The following ME2 variants were observed in gnomAD, a reference collection of about 807,000 sequenced individuals.
The protein encoded by ME2 is NAD-dependent malic enzyme, mitochondrial.
Under a neutral mutation model 73.7 loss-of-function variants are expected in ME2, and 60 were observed. The observed-to-expected ratio is 0.81, with a 90% CI of 0.66 to 1.01. The LOEUF (loss-of-function observed/expected upper bound fraction) is 1.01. Among genes scored for constraint, ME2 ranks in the 50% least tolerant of loss-of-function variants. The pLI is 0.00. For synonymous variants in ME2, 199 were observed against 236.9 expected (o/e 0.84, Z 1.47); for missense variants, 594 against 705.5 (o/e 0.84, Z 1.79).
At chr18:50,940,470 A>G (rs1211101743) in intron 15 of ME2, 84 bp downstream of exon 15, 1 of 933,368 alleles carries the variant, frequency 1.1e-6, no homozygotes, top group African/African-American at 1.7e-5. Flanking sequence ...GATAAATCTG[A>G]AACATTTAGA....
At chr18:50,918,640 ACT>A (rs1467584147) in intron 7 of ME2, among the ~76,000 whole-genome samples, 3 of 143,850 alleles carry the variant, frequency 2.1e-5, no homozygotes, top group Admixed American at 6.9e-5. Context: ...TGTCCTTGAA[ACT>A]CTCTCTTCTC....
chr18:50,945,384 T>A (rs941549645), intron 15 of ME2: 5 of 152,218 alleles, frequency 3.3e-5, no homozygotes, highest in Non-Finnish European at 5.9e-5. Flanking sequence ...CCTCCCAAAG[T>A]GCTGGGATCA....
chr18:50,913,385 G>A (rs1917205409), intron 4 of ME2: 1 of 155,910 alleles, frequency 6.4e-6, no homozygotes, highest in Non-Finnish European at 1.4e-5. Context: ...CTGGAGTGGA[G>A]TGCAGCAGTA....
intron 1 of ME2, among the ~76,000 whole-genome samples, chr18:50,885,877 T>A (rs992668226): frequency 6.6e-6 from 1 of 152,134 alleles, no homozygotes; most frequent in Non-Finnish European, 1.5e-5. Flanking sequence ...TGTATAAAAG[T>A]CAAATTTGAG....
At chr18:50,916,545 G>C (rs968583210) in intron 5 of ME2, 1 of 208,720 alleles carries the variant, frequency 4.8e-6, no homozygotes, top group Admixed American at 5.9e-5. Context: ...TATTATTCTA[G>C]GTAAAGAAAA....
chr18:50,944,259 A>G (rs1918032047), intron 15 of ME2, among the ~76,000 whole-genome samples: 1 of 152,140 alleles, frequency 6.6e-6, no homozygotes. Flanking sequence ...TCCAAATGAG[A>G]GGTAGTACAT....
chr18:50,940,875 G>T (rs1298468613), intron 15 of ME2, among the ~76,000 whole-genome samples: 1 of 152,100 alleles, frequency 6.6e-6, no homozygotes, highest in African/African-American at 2.4e-5. Flanking sequence ...CATTAATGCT[G>T]CATGGCATTC....
intron 1 of ME2, among the ~76,000 whole-genome samples, chr18:50,893,269 A>C (rs879652286): frequency 6.6e-6 from 1 of 152,182 alleles, no homozygotes; most frequent in African/African-American, 2.4e-5. Flanking sequence ...AACTTAAAGC[A>C]TCAAGATGGT....
At chr18:50,943,153 CT>C (rs1942464034) in intron 15 of ME2, among the ~76,000 whole-genome samples, 1 of 151,684 alleles carries the variant, frequency 6.6e-6, no homozygotes, top group African/African-American at 2.4e-5. Context: ...GTATTTTCTA[CT>C]TTTTAAAAGA....
chr18:50,883,076 A>G (rs1807391726), intron 1 of ME2, among the ~76,000 whole-genome samples: 2 of 152,248 alleles, frequency 1.3e-5, no homozygotes, highest in African/African-American at 4.8e-5. Context: ...AATAAATTTA[A>G]TATTATGAAA....
Position 50,900,209 on chromosome 18 carries a change from T to G in ME2, c.108+4281T>G, listed in dbSNP as rs558185801. On this transcript the variant is annotated intron_variant, in intron 2 of 15. Transcript: ENST00000321341. Reference sequence around the variant, plus strand: ...ATCTTACAAAGTCTTAAAAATTGAGTGATGCAGTTTTTTTTTTTAAATAAG... The same window carrying G: ...ATCTTACAAAGTCTTAAAAATTGAGGGATGCAGTTTTTTTTTTTAAATAAG... Among the ~76,000 whole-genome samples the G allele has an allele frequency of 2.0e-5, 3 of 151,798 alleles. No homozygotes were observed. The South Asian group carries it at 6.2e-4, about 32-fold the overall frequency.
intron 13 of ME2, among the ~76,000 whole-genome samples, chr18:50,937,493 T>C (rs2144264150): frequency 6.6e-6 from 1 of 152,250 alleles, no homozygotes; most frequent in South Asian, 2.1e-4. Context: ...ATGTGAGAAA[T>C]GCTTGAAGAT....
At chr18:50,906,051 C>G (rs1158432836) in intron 2 of ME2, among the ~76,000 whole-genome samples, 1 of 152,100 alleles carries the variant, frequency 6.6e-6, no homozygotes, top group Admixed American at 6.5e-5. Flanking sequence ...TGTTGGTAGT[C>G]TCAATTTGGT....
At position 50,932,355 on chromosome 18, in the gene ME2, T is replaced by G. The variant is rs745834205; in HGVS notation, c.1412T>G (p.Phe471Cys). 10 of 1,610,996 alleles carry G rather than the reference T, an allele frequency of 6.2e-6. No individual in the cohort carries two copies. The highest frequency in any genetic ancestry group is 5.9e-6 in the Non-Finnish European group (7 of 1,177,746). ...GGTCAAGGAAACAATGTTTATATTTTTCCAGGTAAATGCCACCATTATTTA... is the reference window on the plus strand; with the variant it reads ...GGTCAAGGAAACAATGTTTATATTTGTCCAGGTAAATGCCACCATTATTTA... ...TPGQGNNVYI[F>C]PGVALAVILC... is the part of the protein sequence containing the mutation. Residue 471 changes from phenylalanine to cysteine, a missense_variant, in exon 13 of 16, where the codon TTT (phenylalanine) becomes TGT (cysteine). By Grantham distance (205) the Phe-to-Cys change is radical (BLOSUM62 -2). Transcript: ENST00000321341.
chr18:50,939,563 G>T lies in ME2; in HGVS notation c.1418-7G>T, dbSNP rs751230840. The stretch of plus-strand genomic sequence containing the variant: ...ACCATACTAGTAAACTTTAAAATGT[G>T]TTCTAGGTGTGGCTTTAGCTGTTAT... On this transcript the variant is annotated splice_region_variant and splice_polypyrimidine_tract_variant and intron_variant, in intron 13 of 15. Transcript: ENST00000321341. The T allele has an allele frequency of 6.2e-7, 1 of 1,601,218 alleles. No homozygotes were observed. The highest frequency in any genetic ancestry group is 8.6e-7 in the Non-Finnish European group (1 of 1,168,746).
rs568038804 is a variant in ME2 at position 50,949,295 on chromosome 18, T to G, written c.*2111T>G. 25 of 152,354 alleles carry G rather than the reference T, an allele frequency of 1.6e-4. No individual in the cohort carries two copies. The highest frequency in any genetic ancestry group is 5.5e-4 in the African/African-American group (23 of 41,576). 9.4% of individuals were successfully genotyped at this position (152,354 alleles called of 1,614,324 possible). A position where few individuals can be genotyped will look rare whatever the true frequency, so the allele number is the denominator to read the frequency against. ...AACATACGGTCACAATTCCTTTCTT[T>G]TAATTAAAGACAAAAGGTTTATGGG... On this transcript the variant is annotated 3_prime_UTR_variant, in exon 16 of 16. Coordinates refer to ENST00000321341, the MANE Select transcript of ME2 (RefSeq NM_002396.5).
chr18:50,891,449 A>G (rs1916602949), intron 1 of ME2, among the ~76,000 whole-genome samples: 1 of 152,132 alleles, frequency 6.6e-6, no homozygotes, highest in African/African-American at 2.4e-5. Flanking sequence ...GTGTCTTTTC[A>G]TAGGTCTCTG....
At chr18:50,909,783 T>G (rs113666479) in intron 3 of ME2, among the ~76,000 whole-genome samples, 19 of 152,232 alleles carry the variant, frequency 1.2e-4, no homozygotes, top group African/African-American at 3.9e-4. Context: ...GGAAGAAAAT[T>G]TAATGTTTCA....
chr18:50,928,715 C>G (rs775440977), intron 12 of ME2, among the ~76,000 whole-genome samples: 3 of 152,198 alleles, frequency 2.0e-5, no homozygotes, highest in Non-Finnish European at 4.4e-5. Context: ...TTTGCCCTTT[C>G]TCCTGATATC....
Sources: gnomAD v4.1 joint callset for allele counts (sites outside exome capture counted in the v4.1 genomes callset) on GRCh38, gnomAD v4.1.1 for gene constraint, MANE v1.5 for transcripts, NCBI Gene and HGNC (gene_info 2026-07-23, HGNC 2026-07-21) for gene names.